Variants in MAP1LC3A observed in about 807,000 individuals in gnomAD.
The protein encoded by MAP1LC3A is microtubule associated protein 1 light chain 3 alpha, also known as microtubule-associated protein 1 light chain 3 alpha.
Under a neutral mutation model 15.2 loss-of-function variants are expected in MAP1LC3A, and 10 were observed. That is an observed-to-expected ratio of 0.66 (90% CI 0.41 to 1.12). The LOEUF is 1.12. Ranked by LOEUF, MAP1LC3A falls within the 50% of genes most tolerant of loss-of-function variation. The probability of loss-of-function intolerance (pLI) is 0.00; values close to 1 mark genes in which losing one functional copy is unlikely to be tolerated. For missense variants in MAP1LC3A, 138 were observed against 167.3 expected, an observed-to-expected ratio of 0.82 and a Z score of 0.97; for synonymous variants, 63 against 64.3, an observed-to-expected ratio of 0.98 and a Z score of 0.10.
upstream of MAP1LC3A, among the ~76,000 whole-genome samples, chr20:34,555,407 A>C (rs1982118615): frequency 6.6e-6 from 1 of 152,046 alleles, no homozygotes; most frequent in Non-Finnish European, 1.5e-5. Context: ...AGCCTCCCAA[A>C]GTGTTGGGAT....
chr20:34,547,305 T>C (rs945523509), intron 1 of MAP1LC3A, among the ~76,000 whole-genome samples: 6 of 151,774 alleles, frequency 4.0e-5, no homozygotes, highest in Non-Finnish European at 7.4e-5. Context: ...TTGGAAGTAA[T>C]TATGATGGCT....
chr20:34,556,996 T>G (rs528117507), upstream of MAP1LC3A, among the ~76,000 whole-genome samples: 1 of 152,368 alleles, frequency 6.6e-6, no homozygotes, highest in Admixed American at 6.5e-5. Context: ...ATGTTGATCC[T>G]CTTATCCCCA....
chr20:34,551,466 CCT>C (rs1491318229), intron 2 of MAP1LC3A, among the ~76,000 whole-genome samples: 3 of 117,862 alleles, frequency 2.5e-5, no homozygotes, highest in African/African-American at 6.6e-5. Context: ...GGAACGCTGT[CCT>C]TTTTTTTTTT....
intron 1 of MAP1LC3A, 77 bp from the exon 2 acceptor site, chr20:34,559,131 G>A (rs1026401847): frequency 2.8e-5 from 40 of 1,405,348 alleles, no homozygotes; most frequent in Non-Finnish European, 3.6e-5. Context: ...GGCGTGGCCG[G>A]GGGCCGCCCC....
At chr20:34,547,742 G>A (rs553721910) in intron 1 of MAP1LC3A, among the ~76,000 whole-genome samples, 1 of 152,116 alleles carries the variant, frequency 6.6e-6, no homozygotes, top group Non-Finnish European at 1.5e-5. Flanking sequence ...ATGCAGAACT[G>A]TGCCTCAGTT....
chr20:34,547,484 T>TG (rs1270763397), intron 1 of MAP1LC3A, among the ~76,000 whole-genome samples: 1 of 149,944 alleles, frequency 6.7e-6, no homozygotes, highest in Non-Finnish European at 1.5e-5. Flanking sequence ...GGTCTGGCTC[T>TG]GCCCCACCCA....
intron 2 of MAP1LC3A, among the ~76,000 whole-genome samples, chr20:34,550,335 C>G (rs886832055): frequency 1.3e-5 from 2 of 152,208 alleles, no homozygotes; most frequent in African/African-American, 4.8e-5. Flanking sequence ...GGCACAGACT[C>G]TGTCCCTGCG....
At chr20:34,557,575 C>G (rs1411928202), upstream of MAP1LC3A, among the ~76,000 whole-genome samples, 1 of 152,174 alleles carries the variant, frequency 6.6e-6, no homozygotes, top group African/African-American at 2.4e-5. Flanking sequence ...CACCATTTTT[C>G]CATCTAATTT....
rs900310221 is a variant in MAP1LC3A at position 34,549,891 on chromosome 20, C to T, written c.-73-14C>T. ...TCCTGCCTCCGTGCTGATTGCAGGC[C>T]CTGTTTCCCCCAGGACTCCATGGCT... On this transcript the variant is annotated splice_polypyrimidine_tract_variant and intron_variant, in intron 1 of 4. Transcript: ENST00000374837. 57 of 1,152,992 alleles carry T rather than the reference C, an allele frequency of 4.9e-5. No homozygotes were observed. In the African/African-American group the frequency reaches 7.4e-4, roughly 15 times the overall value. The allele number at this position is 1,152,992 out of a possible 1,614,324, so 71.4% of individuals were successfully genotyped here. A position where few individuals can be genotyped will look rare whatever the true frequency, so the allele number is the denominator to read the frequency against.
intron 1 of MAP1LC3A, among the ~76,000 whole-genome samples, chr20:34,549,618 AC>A (rs1483957296): frequency 2.6e-5 from 4 of 152,182 alleles, no homozygotes; most frequent in Non-Finnish European, 5.9e-5. Context: ...CAGCCCAGGG[AC>A]AGATCTGAAT....
At chr20:34,550,533 T>C (rs747870182) in intron 2 of MAP1LC3A, among the ~76,000 whole-genome samples, 1 of 152,144 alleles carries the variant, frequency 6.6e-6, no homozygotes, top group Non-Finnish European at 1.5e-5. Flanking sequence ...GCTTGCACTT[T>C]AGTGAGAAGG....
chr20:34,558,965 C>T lies in MAP1LC3A; in HGVS notation c.40+57C>T. 1 of 1,345,356 alleles carries T rather than the reference C, an allele frequency of 7.4e-7. No individual in the cohort carries two copies. The highest frequency in any genetic ancestry group is 3.1e-5 in the East Asian group (1 of 31,936). 83.3% of individuals were successfully genotyped at this position (1,345,356 alleles called of 1,614,324 possible). On this transcript the variant is annotated intron_variant, in intron 1 of 3. Coordinates refer to ENST00000360668, the MANE Select transcript of MAP1LC3A (RefSeq NM_032514.4). This position sits in a 1 kb window ranked among gnomAD's most constrained non-coding sequence, Gnocchi z 4.3. Reference sequence around the variant, plus strand: ...GGGCAGGGGTGCCGGCCGACCCCGACTGCCGCAGGTGACGTCAGCCCCGTG... The same window carrying T: ...GGGCAGGGGTGCCGGCCGACCCCGATTGCCGCAGGTGACGTCAGCCCCGTG...
Position 34,549,670 on chromosome 20 carries a change from G to A in MAP1LC3A, c.-73-235G>A, listed in dbSNP as rs79361023. Among the ~76,000 whole-genome samples the A allele has an allele frequency of 1.6e-4, 25 of 152,332 alleles. No individual in the cohort carries two copies. The East Asian group carries it at 4.6e-3, about 28-fold the overall frequency. On this transcript the variant is annotated intron_variant, in intron 1 of 4. Coordinates refer to the MAP1LC3A transcript ENST00000374837. ...TTTTTAATGACATCCTAATTCAGGG[G>A]GCGGGTTATTCAGAAATAGCTAGAA...
intron 1 of MAP1LC3A, chr20:34,549,852 C>T: frequency 1.3e-6 from 1 of 742,906 alleles, no homozygotes; most frequent in Non-Finnish European, 2.3e-6. Context: ...CGTCCAGAGT[C>T]AGTCCCTCCT....
upstream of MAP1LC3A, chr20:34,558,060 C>T (rs527789689): frequency 5.1e-6 from 5 of 985,372 alleles, no homozygotes; most frequent in East Asian, 5.7e-4. This position sits in a 1 kb window ranked among gnomAD's most constrained non-coding sequence, Gnocchi z 4.3. Flanking sequence ...TGGAGCTCTG[C>T]TCGGGCCCGC....
upstream of MAP1LC3A, among the ~76,000 whole-genome samples, chr20:34,553,974 GT>G: frequency 6.6e-6 from 1 of 152,176 alleles, no homozygotes; most frequent in Non-Finnish European, 1.5e-5. Flanking sequence ...GGCACACACA[GT>G]GGAATTCCTG....
At chr20:34,556,631 C>CT (rs1982169773), upstream of MAP1LC3A, among the ~76,000 whole-genome samples, 2 of 150,072 alleles carry the variant, frequency 1.3e-5, no homozygotes, top group South Asian at 4.2e-4. Context: ...GAGTCTCACT[C>CT]TGTTGCCCAG....
chr20:34,551,528 G>GT (rs1981951251), intron 2 of MAP1LC3A, among the ~76,000 whole-genome samples: 1 of 143,730 alleles, frequency 7.0e-6, no homozygotes, highest in African/African-American at 2.6e-5. Flanking sequence ...CTGGAGTGCA[G>GT]TGGCACGATT....
upstream of MAP1LC3A, chr20:34,558,161 A>G: frequency 1.0e-6 from 1 of 981,838 alleles, no homozygotes; most frequent in Non-Finnish European, 1.2e-6. The surrounding 1 kb of genome is among the most constrained non-coding windows in gnomAD (Gnocchi z 4.3). Flanking sequence ...CTCCAGGTCC[A>G]CGATTTCTCT....
Sources: allele counts gnomAD v4.1 joint callset (sites outside exome capture counted in the v4.1 genomes callset), GRCh38; gene constraint gnomAD v4.1.1; non-coding constraint Gnocchi (gnomAD v3.1); transcripts MANE v1.5; gene names NCBI Gene and HGNC (gene_info 2026-07-23, HGNC 2026-07-21).